The following NUCB1 variants were observed in gnomAD, a reference collection of about 807,000 sequenced individuals.
NUCB1 encodes the protein nucleobindin 1, also known as nucleobindin-1.
Under a neutral mutation model 61.2 loss-of-function variants are expected in NUCB1, and 47 were observed. The observed-to-expected ratio is 0.77, with a 90% confidence interval of 0.61 to 0.98. The LOEUF (loss-of-function observed/expected upper bound fraction) is 0.98, where lower values mean the gene tolerates loss of function less well. Ranked by LOEUF, NUCB1 falls within the 50% of genes least tolerant of loss-of-function variation. NUCB1 has a pLI of 0.00. For synonymous variants in NUCB1, 234 were observed against 243.1 expected (o/e 0.96, Z 0.35); for missense variants, 583 against 605.3 (o/e 0.96, Z 0.39).
At chr19:48,911,095 T>C in intron 4 of NUCB1, 54 bp from the exon 5 acceptor site, 1 of 1,322,388 alleles carries the variant, frequency 7.6e-7, no homozygotes, top group Non-Finnish European at 1.1e-6. Flanking sequence ...TGGCCCAAGA[T>C]GGGGGTTCTG....
chr19:48,919,163 C>T, intron 9 of NUCB1, 31 bp from the exon 10 acceptor site: 1 of 1,613,786 alleles, frequency 6.2e-7, no homozygotes, highest in Non-Finnish European at 8.5e-7. Flanking sequence ...GGGCCCCCAG[C>T]TCTGTCACTC....
At chr19:48,920,111 G>A (rs536938267) in intron 10 of NUCB1, among the ~76,000 whole-genome samples, 2 of 148,754 alleles carry the variant, frequency 1.3e-5, no homozygotes, top group South Asian at 4.3e-4. Flanking sequence ...GGTTTTGCAT[G>A]TTGGCCAGGC....
At chr19:48,912,601 T>C (rs1256171472) in intron 5 of NUCB1, among the ~76,000 whole-genome samples, 3 of 152,058 alleles carry the variant, frequency 2.0e-5, no homozygotes, top group Non-Finnish European at 4.4e-5. Context: ...TTTGGGAGGC[T>C]GACGTGGGCG....
At chr19:48,919,846 G>A (rs2037589457) in intron 10 of NUCB1, among the ~76,000 whole-genome samples, 1 of 143,572 alleles carries the variant, frequency 7.0e-6, no homozygotes, top group Non-Finnish European at 1.5e-5. Flanking sequence ...TCGGCTCACT[G>A]CAACCTCCGC....
chr19:48,918,559 G>C, intron 7 of NUCB1, 167 bp from the exon 8 acceptor site: 1 of 656,476 alleles, frequency 1.5e-6, no homozygotes, highest in Admixed American at 2.4e-5. Flanking sequence ...CCTAGCAACG[G>C]GTCTAGTGGG....
intron 1 of NUCB1, 30 bp from the exon 2 acceptor site, chr19:48,900,756 A>G: frequency 1.9e-6 from 3 of 1,606,240 alleles, no homozygotes; most frequent in Admixed American, 1.7e-5. Context: ...GACAGACATT[A>G]TGCATTATCC....
intron 7 of NUCB1, 179 bp from the exon 8 acceptor site, chr19:48,918,547 G>A (rs2037566248): frequency 6.4e-6 from 4 of 625,868 alleles, no homozygotes; most frequent in African/African-American, 1.8e-5. Context: ...CTAGGCAGTG[G>A]CCCTAGCAAC....
rs1364774475 is a variant in NUCB1 at position 48,913,028 on chromosome 19, C to A, written c.498C>A (p.Ala166=). The A allele has an allele frequency of 3.7e-6, 6 of 1,611,448 alleles. No homozygotes were observed. The South Asian group carries it at 6.6e-5, about 18-fold the overall frequency. ...TTCCCCAGGCCACCCGGGACCTTGC[C>A]CAGTACGACGCAGCCCATCATGAAG... ...LLIQTATRDL[A]QYDAAHHEEF... Residue 166 remains alanine, a synonymous_variant, in exon 6 of 13, where the codon GCC becomes GCA. Coordinates refer to ENST00000405315, the MANE Select transcript of NUCB1 (RefSeq NM_006184.6).
chr19:48,911,237 G>C lies in NUCB1; in HGVS notation c.465G>C (p.Glu155Asp). ...ATACATTCGAGGCCCGCGACCTGGA[G>C]CTGCTGATCCAGACGGTAATGGGAG... Reference protein sequence around the residue: ...NQHTFEARDLELLIQTATRDL... With the variant: ...NQHTFEARDLDLLIQTATRDL... The change falls in exon 5 of 13, where the codon GAG becomes GAC. Residue 155 changes from glutamate to aspartate, a missense_variant. Physicochemically the swap from Glu to Asp is conservative, Grantham distance 45. Coordinates refer to ENST00000405315, the MANE Select transcript of NUCB1 (RefSeq NM_006184.6). 3.1e-6 allele frequency: 5 copies of C among 1,612,858 alleles called. No homozygotes were observed. The highest frequency in any genetic ancestry group is 4.2e-6 in the Non-Finnish European group (5 of 1,179,002).
intron 2 of NUCB1, among the ~76,000 whole-genome samples, chr19:48,902,294 A>G (rs1461933817): frequency 2.6e-5 from 4 of 151,736 alleles, no homozygotes; most frequent in Non-Finnish European, 4.4e-5. Flanking sequence ...TATTTTTAGT[A>G]GAGACGGAGT....
Position 48,913,048 on chromosome 19 carries a change from A to T in NUCB1, c.518A>T (p.His173Leu). The change falls in exon 6 of 13, where the codon CAT (histidine) becomes CTT (leucine). Residue 173 changes from histidine (H) to leucine (L), a missense_variant. Coordinates refer to ENST00000405315, the MANE Select transcript of NUCB1 (RefSeq NM_006184.6). ...CTTGCCCAGTACGACGCAGCCCATC[A>T]TGAAGAGTTCAAGCGCTACGAGATG... ...RDLAQYDAAH[H>L]EEFKRYEMLK... 6.2e-7 allele frequency: 1 copy of T among 1,613,628 alleles called. No individual in the cohort carries two copies. The highest frequency in any genetic ancestry group is 8.5e-7 in the Non-Finnish European group (1 of 1,179,946).
chr19:48,919,150 G>T, intron 9 of NUCB1, 28 bp downstream of exon 9: 1 of 1,613,822 alleles, frequency 6.2e-7, no homozygotes, highest in Non-Finnish European at 8.5e-7. Flanking sequence ...CGGGGGAGAG[G>T]ACGGGCCCCC....
chr19:48,911,574 T>A (rs2037474437), intron 5 of NUCB1, among the ~76,000 whole-genome samples: 1 of 151,510 alleles, frequency 6.6e-6, no homozygotes, highest in East Asian at 1.9e-4. Flanking sequence ...CCCAGAAAAT[T>A]TTTGTATTTT....
chr19:48,911,100 G>A (rs762205325), intron 4 of NUCB1, 49 bp from the exon 5 acceptor site: 5 of 1,370,006 alleles, frequency 3.6e-6, no homozygotes, highest in Non-Finnish European at 4.1e-6. Flanking sequence ...CAAGATGGGG[G>A]TTCTGAAAGA....
intron 4 of NUCB1, among the ~76,000 whole-genome samples, chr19:48,908,721 G>GGGGT (rs1555791416): frequency 0.018 from 1,914 of 109,350 alleles, 115 homozygotes; most frequent in Admixed American, 0.11. Flanking sequence ...TTGACCAAGG[G>GGGGT]GTGTGTGTGT....
chr19:48,904,615 G>A (rs902578018), intron 3 of NUCB1, among the ~76,000 whole-genome samples, 161 bp downstream of exon 3: 6 of 149,686 alleles, frequency 4.0e-5, no homozygotes, highest in African/African-American at 4.9e-5. Context: ...CCTCCACCCC[G>A]CAGGTTCAAG....
chr19:48,915,858 A>G (rs964556562), intron 7 of NUCB1, among the ~76,000 whole-genome samples: 1 of 151,608 alleles, frequency 6.6e-6, no homozygotes, highest in Non-Finnish European at 1.5e-5. Flanking sequence ...TATGTTGCCC[A>G]GGCTGGAGTC....
chr19:48,905,993 G>C lies in NUCB1; in HGVS notation c.376+108G>C, dbSNP rs1219241004. The C allele has an allele frequency of 1.0e-5, 12 of 1,165,398 alleles. No homozygotes were observed. The Admixed American group carries it at 1.7e-4, about 17-fold the overall frequency. The allele number at this position is 1,165,398 out of a possible 1,614,324, so 72.2% of individuals were successfully genotyped here. ...CTAGGCAGGTGAGGCCTCCCTCCCC[G>C]CTGCGAAATGTGCTGAAATGTGCGT... On this transcript the variant is annotated intron_variant, in intron 4 of 12. Coordinates refer to ENST00000405315, the MANE Select transcript of NUCB1 (RefSeq NM_006184.6).
chr19:48,921,097 C>T (rs12979307), intron 10 of NUCB1, 57 bp from the exon 11 acceptor site: 1,038,764 of 1,534,830 alleles, frequency 0.68, 367,226 homozygotes, highest in Non-Finnish European at 0.73. Context: ...CCCTCTCCAA[C>T]ATGGGTGGGC....
Sources: allele counts gnomAD v4.1 joint callset (sites outside exome capture counted in the v4.1 genomes callset), GRCh38; gene constraint gnomAD v4.1.1; transcripts MANE v1.5; gene names NCBI Gene and HGNC (gene_info 2026-07-23, HGNC 2026-07-21).